The following HECW2 variants were observed in gnomAD, a reference collection of about 807,000 sequenced individuals.
The protein encoded by HECW2 is HECT, C2 and WW domain containing E3 ubiquitin protein ligase 2.
HECW2 carries 61 observed loss-of-function variants against 175.2 expected under a neutral mutation model. That is an observed-to-expected ratio of 0.35 (90% confidence interval 0.28 to 0.43). HECW2 has a LOEUF of 0.43. Ranked by LOEUF, HECW2 falls within the 20% of genes least tolerant of loss-of-function variation. HECW2 has a pLI of 1.00. For synonymous variants in HECW2, 671 were observed against 731.0 expected (o/e 0.92, Z 1.32); for missense variants, 1,524 against 2,000.5 (o/e 0.76, Z 4.54).
chr2:196,403,345 T>C (rs955334754), intron 2 of HECW2, among the ~76,000 whole-genome samples: 6 of 152,208 alleles, frequency 3.9e-5, no homozygotes, highest in Non-Finnish European at 8.8e-5. Context: ...AAGCAACAGA[T>C]GCTTAAGTGT....
chr2:196,430,775 AC>A (rs1227157515), intron 2 of HECW2, among the ~76,000 whole-genome samples: 1 of 152,152 alleles, frequency 6.6e-6, no homozygotes, highest in Non-Finnish European at 1.5e-5. Context: ...AGGAAAATGA[AC>A]GAGAGCCTCG....
intron 2 of HECW2, among the ~76,000 whole-genome samples, chr2:196,412,894 C>T (rs1454434384): frequency 1.3e-5 from 2 of 152,158 alleles, no homozygotes; most frequent in East Asian, 3.9e-4. Flanking sequence ...TGGAAGGAGC[C>T]CTCTGAATTA....
chr2:196,405,127 G>A (rs183452435), intron 2 of HECW2, among the ~76,000 whole-genome samples: 43 of 151,732 alleles, frequency 2.8e-4, no homozygotes, highest in African/African-American at 7.0e-4. Context: ...CATCGCGCCC[G>A]GCCCCTCCTG....
At chr2:196,356,592 G>A (rs1693377446) in intron 2 of HECW2, among the ~76,000 whole-genome samples, 1 of 152,102 alleles carries the variant, frequency 6.6e-6, no homozygotes, top group Non-Finnish European at 1.5e-5. Flanking sequence ...AGCTGTCATG[G>A]TATCTCATCA....
intron 1 of HECW2, among the ~76,000 whole-genome samples, chr2:196,572,889 T>C (rs1461691706): frequency 1.3e-5 from 2 of 152,194 alleles, no homozygotes; most frequent in Non-Finnish European, 2.9e-5. Flanking sequence ...TCCAACCTCC[T>C]GAACTGTGAG....
chr2:196,378,958 C>T (rs1257375700), intron 2 of HECW2, among the ~76,000 whole-genome samples: 1 of 152,048 alleles, frequency 6.6e-6, no homozygotes, highest in Non-Finnish European at 1.5e-5. Context: ...CACAGCACCA[C>T]CAAAGAAGCA....
chr2:196,269,972 G>C (rs1689666883), intron 17 of HECW2, among the ~76,000 whole-genome samples: 1 of 152,202 alleles, frequency 6.6e-6, no homozygotes, highest in Admixed American at 6.5e-5. Context: ...GAGAGGAATT[G>C]GAGGAGGCAT....
chr2:196,209,827 G>A (rs1024931049), intron 28 of HECW2, among the ~76,000 whole-genome samples: 7 of 150,022 alleles, frequency 4.7e-5, no homozygotes, highest in Admixed American at 1.3e-4. Flanking sequence ...GCAGTGGTGC[G>A]ATCTCGGCTC....
At chr2:196,202,522 G>A (rs1686897014) in intron 28 of HECW2, among the ~76,000 whole-genome samples, 1 of 152,158 alleles carries the variant, frequency 6.6e-6, no homozygotes, top group African/African-American at 2.4e-5. Flanking sequence ...AGAAGGATGT[G>A]AGGATTAAGT....
chr2:196,592,429 G>A (rs1691232159), intron 1 of HECW2: 1 of 152,200 alleles, frequency 6.6e-6, no homozygotes, highest in African/African-American at 2.4e-5. Context: ...CCCGAGCGCT[G>A]CTAATAGTGA....
At chr2:196,225,467 G>A (rs1022578987) in intron 23 of HECW2, among the ~76,000 whole-genome samples, 8 of 152,122 alleles carry the variant, frequency 5.3e-5, no homozygotes, top group Non-Finnish European at 8.8e-5. Context: ...AATACCACAG[G>A]AATCCCAGGG....
chr2:196,502,017 T>C (rs1337268968), intron 1 of HECW2, among the ~76,000 whole-genome samples: 1 of 152,244 alleles, frequency 6.6e-6, no homozygotes, highest in Non-Finnish European at 1.5e-5. Context: ...ACTCAAGTCA[T>C]ATTGAATTTA....
In HECW2 at chr2:196,287,465, T is replaced by C. The variant is rs532775687; in HGVS notation, c.3000+5100A>G. ...GAGAATAATCTGGGGGAAAAAACCC[T>C]GGGTTAATATTGTTTGAGAGTCTAA... On this transcript the variant is annotated intron_variant, in intron 14 of 28. Transcript: ENST00000644978. Among the ~76,000 whole-genome samples, 47 of 152,300 alleles carry C rather than the reference T, an allele frequency of 3.1e-4. No homozygotes were observed. The South Asian group carries it at 9.7e-3, about 32-fold the overall frequency.
intron 19 of HECW2, among the ~76,000 whole-genome samples, chr2:196,245,167 G>A (rs1242493438): frequency 6.6e-6 from 1 of 152,208 alleles, no homozygotes; most frequent in Non-Finnish European, 1.5e-5. Context: ...GAAGCATGAT[G>A]ATAATATAAA....
chr2:196,279,348 G>A (rs532273366), intron 14 of HECW2, among the ~76,000 whole-genome samples: 8 of 152,160 alleles, frequency 5.3e-5, no homozygotes, highest in South Asian at 2.1e-4. Flanking sequence ...GCGCCTGGCC[G>A]AAACTTTTAA....
intron 1 of HECW2, among the ~76,000 whole-genome samples, chr2:196,592,113 C>T (rs904051776): frequency 6.6e-6 from 1 of 152,148 alleles, no homozygotes; most frequent in African/African-American, 2.4e-5. Flanking sequence ...AACTATAGAA[C>T]ACTACTCCAG....
intron 1 of HECW2, among the ~76,000 whole-genome samples, chr2:196,535,372 T>G (rs1309855741): frequency 6.6e-6 from 1 of 152,146 alleles, no homozygotes. Flanking sequence ...AGGACAAGAT[T>G]CCAAATACAT....
chr2:196,418,713 A>C (rs1695327155), intron 2 of HECW2, among the ~76,000 whole-genome samples: 1 of 152,230 alleles, frequency 6.6e-6, no homozygotes, highest in Non-Finnish European at 1.5e-5. Context: ...TTAAACATAA[A>C]ATGCTTTCAA....
chr2:196,288,991 T>C (rs376482304), intron 14 of HECW2: 3 of 152,242 alleles, frequency 2.0e-5, no homozygotes, highest in East Asian at 3.8e-4. Flanking sequence ...TGGATAAAAA[T>C]AGCACCCATC....
Sources: allele counts gnomAD v4.1 joint callset (sites outside exome capture counted in the v4.1 genomes callset), GRCh38; gene constraint gnomAD v4.1.1; transcripts MANE v1.5; gene names NCBI Gene and HGNC (gene_info 2026-07-23, HGNC 2026-07-21).